Variants in LINGO1 observed in about 807,000 individuals in gnomAD.
LINGO1 encodes leucine rich repeat and Ig domain containing 1, also known as leucine-rich repeat and immunoglobulin-like domain-containing nogo receptor-interacting protein 1.
In LINGO1, 11 loss-of-function variants were observed where a neutral mutation model predicts 37.3. That is an observed-to-expected ratio of 0.29 (90% confidence interval 0.19 to 0.49). LINGO1 has a LOEUF of 0.49. Among genes scored for constraint, LINGO1 ranks in the 20% least tolerant of loss-of-function variants. LINGO1 has a pLI of 0.99. For missense variants in LINGO1, 585 were observed against 878.2 expected, an observed-to-expected ratio of 0.67 and a Z score of 4.22; for synonymous variants, 387 against 403.0, an observed-to-expected ratio of 0.96 and a Z score of 0.48.
intron 2 of LINGO1, among the ~76,000 whole-genome samples, chr15:77,708,691 T>C (rs1326949070): frequency 6.6e-6 from 1 of 152,118 alleles, no homozygotes; most frequent in Non-Finnish European, 1.5e-5. Flanking sequence ...GGCAGGCAGA[T>C]CACCTGAGGT....
At chr15:77,792,186 T>G (rs1265697613) in intron 2 of LINGO1, among the ~76,000 whole-genome samples, 1 of 152,178 alleles carries the variant, frequency 6.6e-6, no homozygotes, top group Non-Finnish European at 1.5e-5. Flanking sequence ...GTTCCTCGGC[T>G]CGGGCCAAGG....
chr15:77,817,221 C>T (rs940759073), intron 1 of LINGO1, among the ~76,000 whole-genome samples: 9 of 152,200 alleles, frequency 5.9e-5, no homozygotes, highest in African/African-American at 2.2e-4. Context: ...AGGGAAGTCA[C>T]AGAAGCCTGC....
In LINGO1 at chr15:77,632,666, G is replaced by T. The variant is rs1217266846; in HGVS notation, c.-351C>A. 6.9e-6 allele frequency among the ~76,000 whole-genome samples: 1 copy of T among 145,806 alleles called. No individual in the cohort carries two copies. ...CGCCGCCGCCTCTGCCGCTGGGGCC[G>T]GGGTCGAGGCCGGGCGCGCTCCGCC... On this transcript the variant is annotated 5_prime_UTR_variant, in exon 1 of 2. Transcript: ENST00000355300. This position sits in a 1 kb window ranked among gnomAD's most constrained non-coding sequence, Gnocchi z 6.0.
At chr15:77,797,324 A>G (rs1429624551) in intron 1 of LINGO1, among the ~76,000 whole-genome samples, 2 of 152,228 alleles carry the variant, frequency 1.3e-5, no homozygotes, top group Admixed American at 6.5e-5. Context: ...AGTAGGAGAC[A>G]CATGCTTCTG....
chr15:77,716,881 C>G (rs906872063), intron 2 of LINGO1, among the ~76,000 whole-genome samples: 1 of 150,610 alleles, frequency 6.6e-6, no homozygotes, highest in Non-Finnish European at 1.5e-5. Context: ...GAGTTCCCAA[C>G]AAATGCTTCC....
chr15:77,702,998 G>A (rs1330958466), intron 2 of LINGO1, among the ~76,000 whole-genome samples: 1 of 152,246 alleles, frequency 6.6e-6, no homozygotes, highest in Non-Finnish European at 1.5e-5. Context: ...AGAACCCACT[G>A]GCTTTGGACC....
intron 1 of LINGO1, among the ~76,000 whole-genome samples, chr15:77,781,334 C>T (rs189604131): frequency 2.2e-4 from 34 of 152,314 alleles, no homozygotes; most frequent in African/African-American, 6.7e-4. Flanking sequence ...TCCCTCTCAC[C>T]CAGCTCCCAC....
rs2075266695 is a variant in LINGO1 at position 77,672,432 on chromosome 15, G to T, written c.-13+4657C>A. 2.0e-5 allele frequency among the ~76,000 whole-genome samples: 3 copies of T among 152,118 alleles called. No individual in the cohort carries two copies. The South Asian group carries it at 6.2e-4, about 32-fold the overall frequency. Reference sequence around the variant, plus strand: ...TGTGATTCCCTGCCAGGAGTATTTTGGTCTTAACAGGTTGCTTTTGGAACG... The same window carrying T: ...TGTGATTCCCTGCCAGGAGTATTTTTGTCTTAACAGGTTGCTTTTGGAACG... On this transcript the variant is annotated intron_variant, in intron 3 of 3. Transcript: ENST00000559893.
In LINGO1 at chr15:77,711,751, T is replaced by C. The variant is rs145159803; in HGVS notation, c.-194-20850A>G. On this transcript the variant is annotated intron_variant, in intron 2 of 3. Transcript: ENST00000561686. ...AGTTGGAGGAGGCAGTACTGAAACC[T>C]AGGCAACAGGCGGCTCTGGAATCCA... Among the ~76,000 whole-genome samples the C allele has an allele frequency of 9.2e-5, 14 of 152,318 alleles. No individual in the cohort carries two copies. In the East Asian group the frequency reaches 2.5e-3, roughly 27 times the overall value.
intron 2 of LINGO1, among the ~76,000 whole-genome samples, chr15:77,719,880 A>ACT (rs1567545694): frequency 1.3e-5 from 2 of 148,226 alleles, no homozygotes; most frequent in Admixed American, 1.4e-4. Context: ...GCATGCATAC[A>ACT]CACACATACA....
chr15:77,700,591 G>A (rs1231493077), upstream of LINGO1, among the ~76,000 whole-genome samples: 1 of 152,186 alleles, frequency 6.6e-6, no homozygotes, highest in Non-Finnish European at 1.5e-5. Flanking sequence ...GGTGACTGGG[G>A]CCCGAGCCTT....
intron 3 of LINGO1, among the ~76,000 whole-genome samples, chr15:77,665,935 T>C (rs1292134358): frequency 1.3e-5 from 2 of 152,200 alleles, no homozygotes; most frequent in Non-Finnish European, 2.9e-5. Flanking sequence ...CACACGGTGC[T>C]CTGGTTCTGG....
intron 1 of LINGO1, among the ~76,000 whole-genome samples, chr15:77,775,246 C>T (rs1353388910): frequency 6.6e-6 from 1 of 152,172 alleles, no homozygotes; most frequent in Non-Finnish European, 1.5e-5. Flanking sequence ...CCAAGGCAGC[C>T]CATCCATCTG....
chr15:77,806,608 C>CTA (rs1424369570), intron 1 of LINGO1, among the ~76,000 whole-genome samples: 3 of 152,046 alleles, frequency 2.0e-5, no homozygotes, highest in Non-Finnish European at 4.4e-5. Flanking sequence ...CTGTAAAGGG[C>CTA]TATACACTTG....
chr15:77,802,382 G>A (rs1028780144), intron 1 of LINGO1, among the ~76,000 whole-genome samples: 4 of 151,924 alleles, frequency 2.6e-5, no homozygotes, highest in Non-Finnish European at 5.9e-5. Context: ...TGCATAGTGT[G>A]TGTAGTATGT....
chr15:77,802,696 A>C (rs1444324788), intron 1 of LINGO1, among the ~76,000 whole-genome samples: 1 of 152,060 alleles, frequency 6.6e-6, no homozygotes, highest in Non-Finnish European at 1.5e-5. Context: ...ACTCCTCCTA[A>C]TGAGTGGTGA....
upstream of LINGO1, among the ~76,000 whole-genome samples, chr15:77,789,772 G>T (rs1446346184): frequency 6.6e-6 from 1 of 151,908 alleles, no homozygotes; most frequent in Non-Finnish European, 1.5e-5. Flanking sequence ...TGACACCTTG[G>T]GGTTTGGGGA....
At chr15:77,692,494 T>C (rs1250016597) in intron 1 of LINGO1, among the ~76,000 whole-genome samples, 2 of 152,094 alleles carry the variant, frequency 1.3e-5, no homozygotes, top group African/African-American at 4.8e-5. Flanking sequence ...AGAAGTAAAA[T>C]AAAGGTAGCA....
chr15:77,759,592 C>A (rs1292009552), intron 1 of LINGO1, among the ~76,000 whole-genome samples: 1 of 152,226 alleles, frequency 6.6e-6, no homozygotes, highest in Non-Finnish European at 1.5e-5. Flanking sequence ...CAAGCGTCAC[C>A]TTCACCTCGA....
Sources: allele counts gnomAD v4.1 joint callset (sites outside exome capture counted in the v4.1 genomes callset), GRCh38; gene constraint gnomAD v4.1.1; non-coding constraint Gnocchi (gnomAD v3.1); transcripts MANE v1.5; gene names NCBI Gene and HGNC (gene_info 2026-07-23, HGNC 2026-07-21).